PDE10A: variants seen among roughly 807,000 people sequenced by gnomAD.
The protein encoded by PDE10A is cAMP and cAMP-inhibited cGMP 3',5'-cyclic phosphodiesterase 10A.
In PDE10A, 39 loss-of-function variants were observed where a neutral mutation model predicts 97.7. The observed-to-expected ratio is 0.40, with a 90% confidence interval of 0.31 to 0.52. PDE10A has a LOEUF of 0.52. PDE10A is among the 20% of genes least tolerant of loss of function. The pLI, the probability that PDE10A is intolerant of heterozygous loss-of-function variation, is 0.56. For missense variants in PDE10A, 731 were observed against 1,047.8 expected (o/e 0.70, Z 4.17); for synonymous variants, 371 against 376.8 (o/e 0.98, Z 0.18).
intron 1 of PDE10A, among the ~76,000 whole-genome samples, chr6:165,874,660 A>C (rs1459431417): frequency 6.6e-6 from 1 of 152,220 alleles, no homozygotes; most frequent in African/African-American, 2.4e-5. Context: ...TTATTTTGCA[A>C]ATCTCTGCAC....
At chr6:165,652,179 G>T (rs1789717704) in intron 1 of PDE10A, among the ~76,000 whole-genome samples, 1 of 152,140 alleles carries the variant, frequency 6.6e-6, no homozygotes, top group Non-Finnish European at 1.5e-5. Flanking sequence ...AATTTGAAAT[G>T]TATATAACCC....
chr6:165,478,706 C>G (rs1388753160), intron 3 of PDE10A, among the ~76,000 whole-genome samples: 1 of 152,136 alleles, frequency 6.6e-6, no homozygotes, highest in African/African-American at 2.4e-5. Flanking sequence ...CAGGTCTTTT[C>G]TCTGATCCAG....
intron 13 of PDE10A, among the ~76,000 whole-genome samples, chr6:165,400,675 C>T (rs1205546212): frequency 6.6e-6 from 1 of 152,094 alleles, no homozygotes; most frequent in Non-Finnish European, 1.5e-5. Flanking sequence ...GTTACAGACC[C>T]CTCCCATGTT....
intron 1 of PDE10A, among the ~76,000 whole-genome samples, chr6:165,944,646 C>T (rs970416641): frequency 6.6e-6 from 1 of 152,164 alleles, no homozygotes; most frequent in African/African-American, 2.4e-5. Context: ...TTCCCATAAG[C>T]CCTGCAGTTT....
chr6:165,433,375 A>C (rs927771896), intron 6 of PDE10A, among the ~76,000 whole-genome samples: 1 of 152,158 alleles, frequency 6.6e-6, no homozygotes, highest in Non-Finnish European at 1.5e-5. Context: ...TAATGAACGA[A>C]TGACATATGT....
At chr6:165,386,019 G>A (rs373021937) in intron 17 of PDE10A, among the ~76,000 whole-genome samples, 3 of 152,088 alleles carry the variant, frequency 2.0e-5, no homozygotes, top group African/African-American at 7.2e-5. Context: ...TCTAATATCT[G>A]AACCTATTCT....
chr6:165,679,643 T>C (rs1281736578), intron 1 of PDE10A, among the ~76,000 whole-genome samples: 2 of 152,096 alleles, frequency 1.3e-5, no homozygotes, highest in Admixed American at 6.5e-5. Context: ...TTTGGAAAAA[T>C]AGATACAGTT....
At chr6:165,489,961 C>T (rs184589086) in intron 2 of PDE10A, among the ~76,000 whole-genome samples, 77 of 152,232 alleles carry the variant, frequency 5.1e-4, no homozygotes, top group Admixed American at 1.3e-3. Flanking sequence ...AACAACCAAA[C>T]CTAAGAATAA....
chr6:165,723,959 G>A (rs189143940), intron 1 of PDE10A, among the ~76,000 whole-genome samples: 21 of 152,176 alleles, frequency 1.4e-4, no homozygotes, highest in South Asian at 4.1e-4. Flanking sequence ...AGAAGTGCGC[G>A]TCACAGGTTA....
intron 1 of PDE10A, among the ~76,000 whole-genome samples, chr6:165,623,496 G>C (rs1187606626): frequency 1.6e-5 from 2 of 121,726 alleles, no homozygotes; most frequent in East Asian, 2.0e-4. Flanking sequence ...ATGACAGAGG[G>C]AGAGAGAGAG....
chr6:165,602,747 T>G (rs1787023912), intron 1 of PDE10A, among the ~76,000 whole-genome samples: 1 of 152,176 alleles, frequency 6.6e-6, no homozygotes, highest in Non-Finnish European at 1.5e-5. Flanking sequence ...CTTGTACAGG[T>G]GTGAGGCTCA....
intron 1 of PDE10A, among the ~76,000 whole-genome samples, chr6:165,622,305 C>T (rs371850675): frequency 1.2e-4 from 18 of 151,748 alleles, no homozygotes; most frequent in East Asian, 7.7e-4. Context: ...TATGTGCATG[C>T]GTGTGTGTCA....
Position 165,623,517 on chromosome 6 carries a change from C to A in PDE10A, c.865+38430G>T, listed in dbSNP as rs555060623. 8.8e-5 allele frequency among the ~76,000 whole-genome samples: 13 copies of A among 147,382 alleles called. No homozygotes were observed. In the South Asian group the frequency reaches 2.1e-3, roughly 24 times the overall value. ...GAGGGAGAGAGAGAGAGAAAAAAAA[C>A]AGATAAACCTAAACATTCTGAAAAT... On this transcript the variant is annotated intron_variant, in intron 1 of 21. Coordinates refer to ENST00000539869, the MANE Select transcript of PDE10A (RefSeq NM_001385079.1).
intron 17 of PDE10A, among the ~76,000 whole-genome samples, chr6:165,384,537 C>G (rs1404809767): frequency 6.6e-6 from 1 of 152,084 alleles, no homozygotes; most frequent in Non-Finnish European, 1.5e-5. Context: ...TACTGCATCC[C>G]TATCACTGTG....
chr6:165,359,737 G>C (rs780339067), intron 18 of PDE10A, among the ~76,000 whole-genome samples: 2 of 151,954 alleles, frequency 1.3e-5, no homozygotes, highest in African/African-American at 2.4e-5. Context: ...TATATTTGTA[G>C]TAAAGGGCCA....
intron 3 of PDE10A, among the ~76,000 whole-genome samples, chr6:165,450,889 A>ACTGCG: frequency 6.6e-6 from 1 of 152,128 alleles, no homozygotes; most frequent in African/African-American, 2.4e-5. Flanking sequence ...TTATCCATAG[A>ACTGCG]CTGCGTCTAT....
chr6:165,465,912 A>G (rs1001623926), intron 3 of PDE10A, among the ~76,000 whole-genome samples: 1 of 152,160 alleles, frequency 6.6e-6, no homozygotes, highest in Non-Finnish European at 1.5e-5. Context: ...AATGCATCTT[A>G]AAGAATGCTA....
At chr6:165,559,445 T>C (rs995720695) in intron 1 of PDE10A, among the ~76,000 whole-genome samples, 1 of 152,202 alleles carries the variant, frequency 6.6e-6, no homozygotes, top group Non-Finnish European at 1.5e-5. Flanking sequence ...ATATTATTGG[T>C]TTAAATCATA....
At chr6:165,957,130 TA>T (rs1784157574) in intron 1 of PDE10A, among the ~76,000 whole-genome samples, 1 of 152,022 alleles carries the variant, frequency 6.6e-6, no homozygotes, top group South Asian at 2.1e-4. Context: ...GATATGAGGG[TA>T]GGGGTGAGAA....
Sources: gnomAD v4.1 joint callset for allele counts (sites outside exome capture counted in the v4.1 genomes callset) on GRCh38, gnomAD v4.1.1 for gene constraint, MANE v1.5 for transcripts, NCBI Gene and HGNC (gene_info 2026-07-23, HGNC 2026-07-21) for gene names.